Variants in ATAT1 observed in about 807,000 individuals in gnomAD.
ATAT1 encodes the protein alpha-tubulin N-acetyltransferase 1.
ATAT1 carries 42 observed loss-of-function variants against 57.2 expected under a neutral mutation model. The observed-to-expected ratio is 0.73, with a 90% CI of 0.57 to 0.95. The LOEUF is 0.95. ATAT1 is among the 40% of genes least tolerant of loss of function. The probability of loss-of-function intolerance (pLI) is 0.00; values close to 1 mark genes in which losing one functional copy is unlikely to be tolerated. For missense variants in ATAT1, 454 were observed against 523.7 expected, an observed-to-expected ratio of 0.87 and a Z score of 1.30; for synonymous variants, 168 against 187.1, an observed-to-expected ratio of 0.90 and a Z score of 0.83.
At position 30,642,833 on chromosome 6, in the gene ATAT1, G is replaced by GCACCCCCCCCC; in HGVS notation, c.755_756insACCCCCCCCCC (p.His253ProfsTer70). Reference sequence around the variant, plus strand: ...GGCCCCTCGCCGCGCCACACCTCCAGCCCACCCACCCCCCCGCTCCAGCAG... The same window carrying GCACCCCCCCCC: ...GGCCCCTCGCCGCGCCACACCTCCAGCACCCCCCCCCCCCACCCACCCCCCCGCTCCAGCAG... On this transcript the variant is annotated frameshift_variant, in exon 10 of 13. Transcript: ENST00000330083. LOFTEE classifies it high-confidence loss of function. 1 of 1,537,878 alleles carries GCACCCCCCCCC rather than the reference G, an allele frequency of 6.5e-7. No homozygotes were observed. Among genetic ancestry groups the GCACCCCCCCCC allele is most frequent in the Non-Finnish European group, 8.7e-7 (1 of 1,145,784 alleles).
rs371003292 is a variant in ATAT1 at position 30,626,881 on chromosome 6, G to A, written c.-323G>A. ...TGGGGCGGGTCCGACCGCGCACAAT[G>A]GGCCATGGAGTTCCCGTTCGATGTG... On this transcript the variant is annotated 5_prime_UTR_variant, in exon 1 of 13. An upstream start codon of the reference 5' UTR is lost. Transcript: ENST00000330083. The A allele has an allele frequency of 1.9e-6, 3 of 1,604,454 alleles. No homozygotes were observed. Among genetic ancestry groups the A allele is most frequent in the African/African-American group, 2.7e-5 (2 of 74,696 alleles).
chr6:30,644,663 GAA>G, intron 10 of ATAT1: 2 of 979,940 alleles, frequency 2.0e-6, no homozygotes, highest in Non-Finnish European at 2.4e-6. Flanking sequence ...ATGAAAAAAA[GAA>G]TCACAAAAAA....
At chr6:30,630,943 CA>C (rs565010583) in intron 6 of ATAT1, among the ~76,000 whole-genome samples, 46 of 112,192 alleles carry the variant, frequency 4.1e-4, no homozygotes, top group Non-Finnish European at 4.1e-4. Flanking sequence ...TGTCTCGGAA[CA>C]AAAAAAAAAA....
chr6:30,634,665 A>G lies in ATAT1; in HGVS notation c.502-5712A>G, dbSNP rs1418541355. Reference sequence around the variant, plus strand: ...TATTCATTATAATCTCAAAGGAGGAAAAAAAAAAAAAAAAAAAACCTTGTT... The same window carrying G: ...TATTCATTATAATCTCAAAGGAGGAGAAAAAAAAAAAAAAAAAACCTTGTT... On this transcript the variant is annotated intron_variant, in intron 6 of 12. Transcript: ENST00000330083. Among the ~76,000 whole-genome samples, 194 of 78,732 alleles carry G rather than the reference A, an allele frequency of 2.5e-3. 1 individual carries two copies. The highest frequency in any genetic ancestry group is 5.0e-3 in the Non-Finnish European group (160 of 32,178). The allele number at this position is 78,732 out of a possible 152,430, so 51.7% of individuals were successfully genotyped here.
intron 10 of ATAT1, chr6:30,644,000 C>CT (rs1377376959): frequency 9.9e-7 from 1 of 1,006,494 alleles, no homozygotes; most frequent in Non-Finnish European, 1.2e-6. Flanking sequence ...ACTGGTGGCT[C>CT]TAATACTGCT....
At chr6:30,644,444 G>A (rs1207214357) in intron 10 of ATAT1, 5 of 985,504 alleles carry the variant, frequency 5.1e-6, no homozygotes, top group East Asian at 1.1e-4. Flanking sequence ...TAGCAAGGAC[G>A]ACCTTCCCTG....
At chr6:30,643,506 C>T (rs1162931797) in intron 10 of ATAT1, 1 of 1,550,716 alleles carries the variant, frequency 6.4e-7, no homozygotes, top group Non-Finnish European at 8.7e-7. Context: ...TCCCTTCCTC[C>T]CATCCATAAC....
intron 6 of ATAT1, among the ~76,000 whole-genome samples, chr6:30,639,538 A>G (rs945526046): frequency 1.1e-4 from 16 of 147,870 alleles, no homozygotes; most frequent in African/African-American, 3.8e-4. Flanking sequence ...GTGCAGTGGC[A>G]CGATCTCAGC....
chr6:30,628,772 T>G (rs955196790), intron 6 of ATAT1, among the ~76,000 whole-genome samples: 8 of 152,018 alleles, frequency 5.3e-5, no homozygotes, highest in Non-Finnish European at 1.2e-4. Flanking sequence ...ACCCAGCTAA[T>G]TTTTATATCT....
At chr6:30,637,367 CT>C (rs769594150) in intron 6 of ATAT1, among the ~76,000 whole-genome samples, 5,205 of 142,504 alleles carry the variant, frequency 0.037, 161 homozygotes, top group African/African-American at 0.088. Context: ...ACCCAGTGAA[CT>C]TTTTTTTTTT....
chr6:30,633,176 G>A (rs977215579), intron 6 of ATAT1, among the ~76,000 whole-genome samples: 1 of 152,196 alleles, frequency 6.6e-6, no homozygotes, highest in South Asian at 2.1e-4. Context: ...CTGAGCAGCT[G>A]GAAGAATGAA....
At chr6:30,640,163 A>C (rs1454062059) in intron 6 of ATAT1, among the ~76,000 whole-genome samples, 1 of 151,920 alleles carries the variant, frequency 6.6e-6, no homozygotes, top group Non-Finnish European at 1.5e-5. Flanking sequence ...AATTGCCTAC[A>C]GCATTCAGTA....
rs930908009 is a variant in ATAT1 at position 30,642,217 on chromosome 6, A to G, written c.658A>G (p.Ile220Val). ...GCCACCCAAGAGAGCAGAGGGAGACATCAAGCCATACTCCTCTAGTGACCG... is the reference window on the plus strand; with the variant it reads ...GCCACCCAAGAGAGCAGAGGGAGACGTCAAGCCATACTCCTCTAGTGACCG... Residue 220 changes from isoleucine to valine, a missense_variant, in exon 9 of 13, where the codon ATC becomes GTC. By Grantham distance (29) the Ile-to-Val change is conservative. This residue lies in a region of ATAT1 where 236 missense variants were observed against 284.5 expected (regional missense o/e 0.83). Transcript: ENST00000330083. The G allele has an allele frequency of 3.1e-6, 5 of 1,614,040 alleles. No individual in the cohort carries two copies. The highest frequency in any genetic ancestry group is 4.2e-6 in the Non-Finnish European group (5 of 1,180,048).
chr6:30,637,600 TTGAACC>T (rs1764403761), intron 6 of ATAT1, among the ~76,000 whole-genome samples: 1 of 151,414 alleles, frequency 6.6e-6, no homozygotes, highest in Non-Finnish European at 1.5e-5. Flanking sequence ...GGAGAAGAGC[TTGAACC>T]TGGGAGGTGG....
At position 30,643,355 on chromosome 6, in the gene ATAT1, C is replaced by G. The variant is rs931472269; in HGVS notation, c.932+344C>G. Reference sequence around the variant, plus strand: ...TTGCTGGGGAAGGGGCAGTGTCTGACAGAGAGTGGGAAGCCACTGGCTTGT... The same window carrying G: ...TTGCTGGGGAAGGGGCAGTGTCTGAGAGAGAGTGGGAAGCCACTGGCTTGT... On this transcript the variant is annotated intron_variant, in intron 10 of 12. Transcript: ENST00000330083. The G allele has an allele frequency of 1.7e-5, 25 of 1,447,522 alleles. No homozygotes were observed. In the Admixed American group the frequency reaches 5.0e-4, roughly 29 times the overall value. 89.7% of individuals were successfully genotyped at this position (1,447,522 alleles called of 1,614,324 possible).
In ATAT1 at chr6:30,636,801, G is replaced by GT. The variant is rs145449288; in HGVS notation, c.502-3567dup. Among the ~76,000 whole-genome samples, 681 of 150,790 alleles carry GT rather than the reference G, an allele frequency of 4.5e-3. 5 individuals are homozygous for GT. Among genetic ancestry groups the GT allele is most frequent in the Non-Finnish European group, 4.7e-3 (320 of 67,590 alleles). Reference sequence around the variant, plus strand: ...AACAGAGAGCAGTGGAAGGAGCACAGTTTTTTTTTGTTTGTTTGTTTGTAT... The same window carrying GT: ...AACAGAGAGCAGTGGAAGGAGCACAGTTTTTTTTTTGTTTGTTTGTTTGTAT... On this transcript the variant is annotated intron_variant, in intron 6 of 12. Transcript: ENST00000330083.
chr6:30,628,187 C>T (rs1446857279), intron 5 of ATAT1, 42 bp downstream of exon 5: 3 of 1,580,256 alleles, frequency 1.9e-6, no homozygotes, highest in Admixed American at 3.3e-5. Flanking sequence ...ACTAGGGGCT[C>T]CTTTGCCCTG....
intron 6 of ATAT1, among the ~76,000 whole-genome samples, chr6:30,636,467 T>G (rs898133612): frequency 1.4e-4 from 21 of 151,964 alleles, no homozygotes; most frequent in Non-Finnish European, 1.9e-4. Flanking sequence ...GCGCCTGTAG[T>G]CCCAGCTAAT....
chr6:30,627,999 G>T (rs377760587), intron 4 of ATAT1, 33 bp from the exon 5 acceptor site: 17 of 1,609,858 alleles, frequency 1.1e-5, no homozygotes, highest in Non-Finnish European at 1.4e-5. Context: ...AGATGCCGGG[G>T]TTCCTAAAAC....
Sources: allele counts gnomAD v4.1 joint callset (sites outside exome capture counted in the v4.1 genomes callset), GRCh38; gene constraint gnomAD v4.1.1; regional missense constraint gnomAD v4.1.1; transcripts MANE v1.5; gene names NCBI Gene and HGNC (gene_info 2026-07-23, HGNC 2026-07-21).